Variants in RBM19 observed in about 807,000 individuals in gnomAD.
The protein encoded by RBM19 is RNA binding motif protein 19.
Under a neutral mutation model 116.8 loss-of-function variants are expected in RBM19, and 94 were observed. The observed-to-expected ratio is 0.80, with a 90% CI of 0.68 to 0.95. The LOEUF is 0.95. RBM19 is among the 40% of genes least tolerant of loss of function. The probability of loss-of-function intolerance (pLI) is 0.00; values close to 1 mark genes in which losing one functional copy is unlikely to be tolerated. For missense variants in RBM19, 1,161 were observed against 1,220.7 expected (o/e 0.95, Z 0.73); for synonymous variants, 475 against 494.1 (o/e 0.96, Z 0.51).
At chr12:113,857,192 G>A (rs955858327) in intron 22 of RBM19, among the ~76,000 whole-genome samples, 3 of 152,208 alleles carry the variant, frequency 2.0e-5, no homozygotes, top group African/African-American at 7.2e-5. Flanking sequence ...GAGAAAAGAC[G>A]CTGCCCTGTA....
At chr12:113,847,679 C>T (rs1056529747) in intron 22 of RBM19, among the ~76,000 whole-genome samples, 3 of 152,106 alleles carry the variant, frequency 2.0e-5, no homozygotes, top group African/African-American at 7.2e-5. Flanking sequence ...CTCTCAAGAA[C>T]GGAATAAGAT....
chr12:113,866,738 C>T (rs551877748), intron 21 of RBM19, among the ~76,000 whole-genome samples: 9 of 152,326 alleles, frequency 5.9e-5, no homozygotes, highest in African/African-American at 2.2e-4. Context: ...GGGTTGAGGT[C>T]CACTGCCCCA....
chr12:113,819,720 C>T (rs1272500004), downstream of RBM19, among the ~76,000 whole-genome samples: 2 of 152,162 alleles, frequency 1.3e-5, no homozygotes, highest in African/African-American at 4.8e-5. Flanking sequence ...CTTAGAGTCT[C>T]CCAGTTCAAC....
chr12:113,946,606 G>A (rs1871044656), intron 11 of RBM19, 131 bp from the exon 12 acceptor site: 1 of 1,260,672 alleles, frequency 7.9e-7, no homozygotes, highest in South Asian at 1.4e-5. Context: ...GGGTGGGAGG[G>A]AGGTCAGGTA....
chr12:113,965,021 C>T (rs994464122), intron 1 of RBM19, among the ~76,000 whole-genome samples: 4 of 151,890 alleles, frequency 2.6e-5, no homozygotes, highest in African/African-American at 9.6e-5. Context: ...CCTGTAATCC[C>T]AGCACTTTGG....
At chr12:113,849,336 C>T (rs954809961) in intron 22 of RBM19, among the ~76,000 whole-genome samples, 1 of 152,252 alleles carries the variant, frequency 6.6e-6, no homozygotes, top group South Asian at 2.1e-4. Context: ...TGTGGCGTCT[C>T]CTTCACTGGG....
At chr12:113,934,339 CTG>C (rs1869869906) in intron 16 of RBM19, among the ~76,000 whole-genome samples, 1 of 152,244 alleles carries the variant, frequency 6.6e-6, no homozygotes, top group South Asian at 2.1e-4. Flanking sequence ...GATATGGAAA[CTG>C]AGCCTCAGAG....
rs1017083659 is a variant in RBM19, at chr12:113,823,013, C to T, written c.*211G>A. Reference sequence around the variant, plus strand: ...TGCGCAGTCAGTGTCTGCTAGAACGCGTCACTGGTGAAACCCAGGATGCCT... The same window carrying T: ...TGCGCAGTCAGTGTCTGCTAGAACGTGTCACTGGTGAAACCCAGGATGCCT... On this transcript the variant is annotated 3_prime_UTR_variant, in exon 24 of 24. Transcript: ENST00000261741. 9 of 572,744 alleles carry T rather than the reference C, an allele frequency of 1.6e-5. No individual in the cohort carries two copies. The highest frequency in any genetic ancestry group is 8.9e-5 in the East Asian group (3 of 33,742). The allele number at this position is 572,744 out of a possible 1,614,324, so 35.5% of individuals were successfully genotyped here. A position where few individuals can be genotyped will look rare whatever the true frequency, so the allele number is the denominator to read the frequency against.
chr12:113,961,503 C>T (rs1004042814), intron 2 of RBM19, among the ~76,000 whole-genome samples: 1 of 152,180 alleles, frequency 6.6e-6, no homozygotes, highest in Non-Finnish European at 1.5e-5. Flanking sequence ...AAATCCTATC[C>T]TATGGCCTTC....
At position 113,918,441 on chromosome 12, in the gene RBM19, C is replaced by T. The variant is rs368226146; in HGVS notation, c.2392G>A (p.Val798Ile). The T allele has an allele frequency of 2.6e-5, 42 of 1,614,066 alleles. No individual in the cohort carries two copies. Among genetic ancestry groups the T allele is most frequent in the East Asian group, 2.2e-4 (10 of 44,890 alleles). The change falls in exon 20 of 24, where the codon GTC becomes ATC. Residue 798 changes from valine (V) to isoleucine (I), a missense_variant. By Grantham distance (29) the Val-to-Ile change is conservative. Transcript: ENST00000261741. ...ACTTCCAGCTTGTGGCCGTCCACGACGTGACCCTAAGAGAGAAGACAACAT... is the reference window on the plus strand; with the variant it reads ...ACTTCCAGCTTGTGGCCGTCCACGATGTGACCCTAAGAGAGAAGACAACAT... ...QKALKQLQGH[V>I]VDGHKLEVRI...
Position 113,823,305 on chromosome 12 carries a change from C to T in RBM19, c.2802G>A (p.Lys934=). ...GGATCTCGTCCAACACCACAGACCG[C>T]TTTTTCTTCGGGGGCTCTGTGGGAG... ...AAHFHEPPKK[K]RSVVLDEILE... Residue 934 remains lysine, a synonymous_variant, in exon 24 of 24, where the codon AAG becomes AAA. Coordinates refer to ENST00000261741, the MANE Select transcript of RBM19 (RefSeq NM_016196.4). 1 of 1,613,206 alleles carries T rather than the reference C, an allele frequency of 6.2e-7. No individual in the cohort carries two copies. The highest frequency in any genetic ancestry group is 1.3e-5 in the African/African-American group (1 of 75,072).
intron 21 of RBM19, among the ~76,000 whole-genome samples, chr12:113,880,174 C>A (rs1880000863): frequency 6.6e-6 from 1 of 151,842 alleles, no homozygotes; most frequent in African/African-American, 2.4e-5. Flanking sequence ...ATGGGACATA[C>A]TTATGCCCAA....
chr12:113,820,185 C>G (rs1018829814), downstream of RBM19, among the ~76,000 whole-genome samples: 1 of 149,658 alleles, frequency 6.7e-6, no homozygotes, highest in Non-Finnish European at 1.5e-5. Flanking sequence ...CTGGGTCACC[C>G]TGGAAGAACT....
chr12:113,936,030 AAAAAAACAAAACAAAAC>A (rs1354067290), intron 16 of RBM19, among the ~76,000 whole-genome samples: 1 of 109,066 alleles, frequency 9.2e-6, no homozygotes, highest in African/African-American at 4.9e-5. Flanking sequence ...GCTCTGTCTC[AAAAAAACAAAACAAAAC>A]AAAACAAAAA....
Position 113,823,170 on chromosome 12 carries a change from A to G in RBM19, c.*54T>C. On this transcript the variant is annotated 3_prime_UTR_variant, in exon 24 of 24. Transcript: ENST00000261741. ...ACATGGTGGTGAGTGCAGAAGCTGG[A>G]GCGGCTGTCCCGGTCCCCAGGGCCC... is the stretch of plus-strand genomic sequence containing the variant. 6.9e-7 allele frequency: 1 copy of G among 1,454,466 alleles called. No homozygotes were observed. The highest frequency in any genetic ancestry group is 9.5e-7 in the Non-Finnish European group (1 of 1,053,666). The allele number at this position is 1,454,466 out of a possible 1,614,324, so 90.1% of individuals were successfully genotyped here. A position where few individuals can be genotyped will look rare whatever the true frequency, so the allele number is the denominator to read the frequency against.
chr12:113,863,759 A>G (rs1007508718), intron 21 of RBM19, among the ~76,000 whole-genome samples: 28 of 152,178 alleles, frequency 1.8e-4, no homozygotes, highest in African/African-American at 6.5e-4. Context: ...TCTGAACAAG[A>G]TGAAGGGGTG....
intron 23 of RBM19, among the ~76,000 whole-genome samples, chr12:113,835,873 C>T (rs930821044): frequency 1.2e-4 from 18 of 152,212 alleles, no homozygotes; most frequent in African/African-American, 2.4e-4. Context: ...AGCAGAGCCA[C>T]GCTCCCAGCC....
rs558584153 is a variant in RBM19 at position 113,912,621 on chromosome 12, C to T, written c.2558+2348G>A. ...ATCCATCCCTCGCAGGGCTGCTGTG[C>T]GGCTTAAAAGAGGTGATTCTGCACG... is the stretch of plus-strand genomic sequence containing the variant. On this transcript the variant is annotated intron_variant, in intron 21 of 23. Transcript: ENST00000261741. 3.0e-4 allele frequency among the ~76,000 whole-genome samples: 45 copies of T among 152,320 alleles called. 1 individual carries two copies. The highest frequency in any genetic ancestry group is 9.1e-4 in the Admixed American group (14 of 15,302).
chr12:113,834,232 C>A (rs568586125), intron 23 of RBM19, among the ~76,000 whole-genome samples: 178 of 152,272 alleles, frequency 1.2e-3, no homozygotes, highest in African/African-American at 4.0e-3. Context: ...GCACGGCTTG[C>A]TAATAAGGTC....
Sources: gnomAD v4.1 joint callset for allele counts (sites outside exome capture counted in the v4.1 genomes callset) on GRCh38, gnomAD v4.1.1 for gene constraint, MANE v1.5 for transcripts, NCBI Gene and HGNC (gene_info 2026-07-23, HGNC 2026-07-21) for gene names.